PIAS2: variants seen among roughly 807,000 people sequenced by gnomAD.
PIAS2 encodes E3 SUMO-protein ligase PIAS2.
A neutral mutation model predicts 69.7 loss-of-function variants in PIAS2; 19 were observed. That is an observed-to-expected ratio of 0.27 (90% confidence interval 0.19 to 0.40). The LOEUF (loss-of-function observed/expected upper bound fraction) is 0.40, where lower values mean the gene tolerates loss of function less well. Among genes scored for constraint, PIAS2 ranks in the 10% least tolerant of loss-of-function variants. The probability of loss-of-function intolerance (pLI) is 1.00; values close to 1 mark genes in which losing one functional copy is unlikely to be tolerated. For synonymous variants in PIAS2, 261 were observed against 263.2 expected (o/e 0.99, Z 0.08); for missense variants, 624 against 757.0 (o/e 0.82, Z 2.06).
At chr18:46,824,478 A>T (rs1251357998) in intron 11 of PIAS2, among the ~76,000 whole-genome samples, 2 of 152,136 alleles carry the variant, frequency 1.3e-5, no homozygotes, top group Non-Finnish European at 2.9e-5. Flanking sequence ...ATATGGAAAA[A>T]CATCAGAGGT....
In PIAS2 at chr18:46,810,682, G is replaced by T. The variant is rs578251255; in HGVS notation, c.*1751C>A. ...AGAAGGGATTTGTGGAAAACCATATGAATTTAAATCAACATAAAAAGAACA... is the reference window on the plus strand; with the variant it reads ...AGAAGGGATTTGTGGAAAACCATATTAATTTAAATCAACATAAAAAGAACA... On this transcript the variant is annotated 3_prime_UTR_variant, in exon 14 of 14. Transcript: ENST00000585916. The T allele has an allele frequency of 6.7e-6, 1 of 148,240 alleles. No individual in the cohort carries two copies. Among genetic ancestry groups the T allele is most frequent in the South Asian group, 2.1e-4 (1 of 4,664 alleles). 9.2% of individuals were successfully genotyped at this position (148,240 alleles called of 1,614,324 possible).
intron 1 of PIAS2, among the ~76,000 whole-genome samples, chr18:46,914,864 T>C (rs1266514552): frequency 1.3e-5 from 2 of 152,182 alleles, no homozygotes; most frequent in Non-Finnish European, 2.9e-5. Flanking sequence ...TATAATTTAC[T>C]TGAGCATCAC....
At chr18:46,842,049 C>A (rs910524754) in intron 8 of PIAS2, among the ~76,000 whole-genome samples, 1 of 151,716 alleles carries the variant, frequency 6.6e-6, no homozygotes, top group Admixed American at 6.6e-5. Flanking sequence ...GGCAACATGG[C>A]GAAAGATCTC....
intron 11 of PIAS2, among the ~76,000 whole-genome samples, chr18:46,824,722 A>G (rs549752519): frequency 6.6e-5 from 10 of 151,984 alleles, no homozygotes; most frequent in Non-Finnish European, 1.3e-4. Flanking sequence ...CTCACAGGCC[A>G]GGCGTGGTGG....
chr18:46,833,718 T>C (rs544992734), intron 9 of PIAS2, among the ~76,000 whole-genome samples: 27 of 152,182 alleles, frequency 1.8e-4, no homozygotes, highest in Non-Finnish European at 2.6e-4. Flanking sequence ...TACCACATAA[T>C]AGAAATCTAA....
chr18:46,883,095 C>T (rs1189439848), intron 2 of PIAS2, among the ~76,000 whole-genome samples: 5 of 146,774 alleles, frequency 3.4e-5, no homozygotes, highest in Non-Finnish European at 7.4e-5. Context: ...GAGACTCCGT[C>T]TCAAAAGAAA....
intron 1 of PIAS2, among the ~76,000 whole-genome samples, chr18:46,908,828 G>C (rs962710061): frequency 2.6e-5 from 4 of 152,102 alleles, no homozygotes; most frequent in African/African-American, 9.7e-5. Flanking sequence ...GACCAACATG[G>C]TGAAACCCCG....
In PIAS2 at chr18:46,811,532, T is replaced by C. The variant is rs1375724193; in HGVS notation, c.*901A>G. 1.3e-5 allele frequency: 2 copies of C among 152,214 alleles called. No homozygotes were observed. Among genetic ancestry groups the C allele is most frequent in the African/African-American group, 4.8e-5 (2 of 41,462 alleles). The allele number at this position is 152,214 out of a possible 1,614,324, so 9.4% of individuals were successfully genotyped here. On this transcript the variant is annotated 3_prime_UTR_variant, in exon 14 of 14. Transcript: ENST00000585916. Reference sequence around the variant, plus strand: ...CTGGCTCCAAGATATCAATATTTGATAGTGTGAACAAATTTCTAACAAACA... The same window carrying C: ...CTGGCTCCAAGATATCAATATTTGACAGTGTGAACAAATTTCTAACAAACA...
At chr18:46,834,633 G>GAA (rs1326923048) in intron 9 of PIAS2, among the ~76,000 whole-genome samples, 2 of 151,708 alleles carry the variant, frequency 1.3e-5, no homozygotes, top group Non-Finnish European at 1.5e-5. Flanking sequence ...GTTTACTTTT[G>GAA]AAACAGAGTC....
At chr18:46,909,155 A>G (rs989152858) in intron 1 of PIAS2, among the ~76,000 whole-genome samples, 3 of 152,272 alleles carry the variant, frequency 2.0e-5, no homozygotes, top group African/African-American at 7.2e-5. Context: ...AGACATGAAT[A>G]GGAATGTGAG....
At chr18:46,813,927 T>C (rs2041239841) in intron 13 of PIAS2, among the ~76,000 whole-genome samples, 1 of 152,152 alleles carries the variant, frequency 6.6e-6, no homozygotes. Context: ...AAAACTCTTT[T>C]CTAAAATCAA....
chr18:46,864,264 A>G lies in PIAS2; in HGVS notation c.500-16T>C, dbSNP rs1555768582. The stretch of plus-strand genomic sequence containing the variant: ...CTGCTTTGAACTGGGAAGAAAAAAA[A>G]AAAGAAAGATAATATTTCAATAACA... On this transcript the variant is annotated splice_polypyrimidine_tract_variant and intron_variant, in intron 2 of 13. Transcript: ENST00000585916. The G allele has an allele frequency of 5.3e-6, 8 of 1,520,928 alleles. No individual in the cohort carries two copies. Among genetic ancestry groups the G allele is most frequent in the Admixed American group, 2.1e-5 (1 of 46,794 alleles). The allele number at this position is 1,520,928 out of a possible 1,614,324, so 94.2% of individuals were successfully genotyped here.
intron 1 of PIAS2, chr18:46,916,907 A>T: frequency 1.0e-6 from 1 of 985,564 alleles, no homozygotes; most frequent in Non-Finnish European, 1.2e-6. Context: ...ACAGTCCTCC[A>T]CCAAGTGAGT....
At position 46,867,503 on chromosome 18, in the gene PIAS2, T is replaced by C. The variant is rs149951315; in HGVS notation, c.500-3255A>G. Among the ~76,000 whole-genome samples, 1,414 of 152,316 alleles carry C rather than the reference T, an allele frequency of 9.3e-3. 9 individuals are homozygous for C. The highest frequency in any genetic ancestry group is 0.016 in the South Asian group (78 of 4,830). On this transcript the variant is annotated intron_variant, in intron 2 of 13. Coordinates refer to ENST00000585916, the MANE Select transcript of PIAS2 (RefSeq NM_004671.5). Reference sequence around the variant, plus strand: ...GAATGCAGGATGCAAAGTATGCAGGTTTTGCAGTTTATTTTCTCCCCATTG... The same window carrying C: ...GAATGCAGGATGCAAAGTATGCAGGCTTTGCAGTTTATTTTCTCCCCATTG...
intron 3 of PIAS2, among the ~76,000 whole-genome samples, chr18:46,859,248 G>A (rs889732668): frequency 2.0e-5 from 3 of 151,992 alleles, no homozygotes; most frequent in Non-Finnish European, 2.9e-5. Flanking sequence ...CTAACATGGT[G>A]AAACCCTGTA....
chr18:46,853,131 G>A (rs2047217338), intron 5 of PIAS2: 1 of 152,136 alleles, frequency 6.6e-6, no homozygotes, highest in African/African-American at 2.4e-5. Flanking sequence ...ACAAAAATGA[G>A]CCAGCCATAG....
At chr18:46,832,187 C>T (rs554409802) in intron 9 of PIAS2, among the ~76,000 whole-genome samples, 7 of 151,602 alleles carry the variant, frequency 4.6e-5, no homozygotes, top group African/African-American at 1.2e-4. Context: ...GATGCTGAGG[C>T]GGGTGGATCA....
intron 5 of PIAS2, among the ~76,000 whole-genome samples, chr18:46,855,089 G>A: frequency 8.5e-6 from 1 of 118,142 alleles, no homozygotes; most frequent in Admixed American, 1.0e-4. Flanking sequence ...GAACACAGTA[G>A]GACCTTGTCT....
intron 13 of PIAS2, among the ~76,000 whole-genome samples, chr18:46,813,336 C>A (rs2041170103): frequency 6.6e-6 from 1 of 152,148 alleles, no homozygotes; most frequent in African/African-American, 2.4e-5. Context: ...AGTCCCCTTA[C>A]AATCCTGGTT....
Sources: allele counts gnomAD v4.1 joint callset (sites outside exome capture counted in the v4.1 genomes callset), GRCh38; gene constraint gnomAD v4.1.1; transcripts MANE v1.5; gene names NCBI Gene and HGNC (gene_info 2026-07-23, HGNC 2026-07-21).